The following NAA15 variants were observed in gnomAD, a reference collection of about 807,000 sequenced individuals.
NAA15 encodes N-terminal acetyltransferase.
In NAA15, 34 loss-of-function variants were observed where a neutral mutation model predicts 114.0. The observed-to-expected ratio is 0.30, with a 90% CI of 0.23 to 0.40. The LOEUF (loss-of-function observed/expected upper bound fraction) is 0.40. Ranked by LOEUF, NAA15 falls within the 10% of genes least tolerant of loss-of-function variation. NAA15 has a pLI of 1.00. For missense variants in NAA15, 658 were observed against 1,004.5 expected, an observed-to-expected ratio of 0.66 and a Z score of 4.66; for synonymous variants, 340 against 338.0, an observed-to-expected ratio of 1.01 and a Z score of -0.06.
chr4:139,301,963 G>A, intron 1 of NAA15, 132 bp downstream of exon 1: 1 of 965,052 alleles, frequency 1.0e-6, no homozygotes, highest in Non-Finnish European at 1.5e-6. Context: ...TCGTCAGGCC[G>A]AATGCATTGC....
intron 1 of NAA15, among the ~76,000 whole-genome samples, chr4:139,319,013 G>T (rs1337217502): frequency 6.6e-6 from 1 of 152,114 alleles, no homozygotes; most frequent in Non-Finnish European, 1.5e-5. Context: ...TGTAGGCCGG[G>T]TGCTGTGGCT....
chr4:139,351,529 A>G lies in NAA15; in HGVS notation c.932A>G (p.Asp311Gly), dbSNP rs1290440529. 1.2e-6 allele frequency: 2 copies of G among 1,602,234 alleles called. No individual in the cohort carries two copies. The highest frequency in any genetic ancestry group is 1.7e-6 in the Non-Finnish European group (2 of 1,169,696). The change falls in exon 9 of 20, where the codon GAT (aspartate) becomes GGT (glycine). Residue 311 changes from aspartate (D) to glycine (G), a missense_variant. This residue lies in a region of NAA15 where 281 missense variants were observed against 389.1 expected (regional missense o/e 0.72). Coordinates refer to ENST00000296543, the MANE Select transcript of NAA15 (RefSeq NM_057175.5). ...LSGEKFKECLDKFLRMNFSKG... is the reference protein window; with the variant it reads ...LSGEKFKECLGKFLRMNFSKG... The stretch of plus-strand genomic sequence containing the variant: ...GGTGAGAAGTTTAAAGAATGTTTGG[A>G]TAAGTTCCTAAGGATGAATTTCAGC...
intron 13 of NAA15, among the ~76,000 whole-genome samples, chr4:139,361,323 T>A (rs1240720101): frequency 1.3e-5 from 2 of 152,130 alleles, no homozygotes; most frequent in Non-Finnish European, 2.9e-5. Context: ...AAAAAAATTA[T>A]CAAATACATC....
chr4:139,329,264 G>T (rs1467033433), intron 1 of NAA15, among the ~76,000 whole-genome samples: 1 of 151,656 alleles, frequency 6.6e-6, no homozygotes, highest in Non-Finnish European at 1.5e-5. Flanking sequence ...TTTATCCATT[G>T]CTTAAATTTT....
rs368782706 is a variant in NAA15, at chr4:139,386,125, T to A, written c.2303-8T>A. On this transcript the variant is annotated splice_region_variant and splice_polypyrimidine_tract_variant and intron_variant, in intron 18 of 19. Transcript: ENST00000296543. ...TTGAAATAAATTTCCTATTTCCCTC[T>A]CATTTAGCTGCCAAAATGGTATATT... 4.5e-4 allele frequency: 685 copies of A among 1,518,432 alleles called. 3 individuals are homozygous for A. Among genetic ancestry groups the A allele is most frequent in the Non-Finnish European group, 5.1e-4 (571 of 1,113,372 alleles). 94.1% of individuals were successfully genotyped at this position (1,518,432 alleles called of 1,614,324 possible).
chr4:139,369,033 T>A (rs1748360090), intron 14 of NAA15, among the ~76,000 whole-genome samples: 1 of 152,252 alleles, frequency 6.6e-6, no homozygotes, highest in South Asian at 2.1e-4. Context: ...ATTCATTTAT[T>A]GTGTTAACAA....
intron 13 of NAA15, 22 bp from the exon 14 acceptor site, chr4:139,361,702 A>G (rs774157612): frequency 6.9e-7 from 1 of 1,445,908 alleles, no homozygotes; most frequent in Non-Finnish European, 9.5e-7. Context: ...TCGGTATAAT[A>G]ATAAAAAGAT....
At chr4:139,356,127 T>TAAGCATATTTGATGCTTAA (rs1747941722) in intron 10 of NAA15, among the ~76,000 whole-genome samples, 2 of 152,252 alleles carry the variant, frequency 1.3e-5, no homozygotes, top group Non-Finnish European at 2.9e-5. Flanking sequence ...TTTGATGTTT[T>TAAGCATATTTGATGCTTAA]ATATCAAATA....
At chr4:139,372,297 G>T (rs1425748094) in intron 15 of NAA15, among the ~76,000 whole-genome samples, 11 of 152,174 alleles carry the variant, frequency 7.2e-5, no homozygotes, top group Admixed American at 7.2e-4. Context: ...CAGAATTCTT[G>T]TACTAGGTTT....
At chr4:139,337,508 A>G (rs958684337) in intron 3 of NAA15, among the ~76,000 whole-genome samples, 1 of 152,178 alleles carries the variant, frequency 6.6e-6, no homozygotes, top group African/African-American at 2.4e-5. Context: ...TGGTTTAAAG[A>G]CTTAATGATG....
At chr4:139,345,009 A>AT (rs1342556817) in intron 6 of NAA15, among the ~76,000 whole-genome samples, 1 of 152,210 alleles carries the variant, frequency 6.6e-6, no homozygotes. Context: ...AGGACAAGTG[A>AT]TTTTTTAAAA....
intron 19 of NAA15, 97 bp from the exon 20 acceptor site, chr4:139,387,787 C>A (rs1291290688): frequency 7.4e-6 from 7 of 949,206 alleles, no homozygotes; most frequent in Non-Finnish European, 6.5e-6. Flanking sequence ...GTATTTATTT[C>A]TTATTTTAGA....
chr4:139,355,287 G>A (rs936663142), intron 10 of NAA15, among the ~76,000 whole-genome samples: 3 of 151,978 alleles, frequency 2.0e-5, no homozygotes, highest in African/African-American at 7.2e-5. Context: ...TTGTTGGAAT[G>A]AAGATTCAGA....
intron 1 of NAA15, among the ~76,000 whole-genome samples, chr4:139,325,660 T>C (rs1392902291): frequency 6.6e-6 from 1 of 152,228 alleles, no homozygotes; most frequent in Non-Finnish European, 1.5e-5. Flanking sequence ...TTTTATTTAT[T>C]TTTTAAGAGA....
Position 139,388,218 on chromosome 4 carries a change from A to G in NAA15, c.*134A>G, listed in dbSNP as rs1359254701. The G allele has an allele frequency of 3.0e-6, 2 of 658,722 alleles. No homozygotes were observed. Among genetic ancestry groups the G allele is most frequent in the African/African-American group, 3.7e-5 (2 of 54,506 alleles). The allele number at this position is 658,722 out of a possible 1,614,324, so 40.8% of individuals were successfully genotyped here. On this transcript the variant is annotated 3_prime_UTR_variant, in exon 20 of 20. Coordinates refer to ENST00000296543, the MANE Select transcript of NAA15 (RefSeq NM_057175.5). ...TGTTCTTGCCTTCAAATAGTGTTTT[A>G]CGTTTTTTATCCTGCTGAAAAAGTA...
At position 139,349,454 on chromosome 4, in the gene NAA15, T is replaced by C; in HGVS notation, c.692-8T>C. On this transcript the variant is annotated splice_region_variant and splice_polypyrimidine_tract_variant and intron_variant, in intron 6 of 19. Transcript: ENST00000296543. The stretch of plus-strand genomic sequence containing the variant: ...ATTAAAATTTTTTTTTTTTCTGTTT[T>C]TAATCAGGGGAACTTCTGTTGCAAC... 6.4e-7 allele frequency: 1 copy of C among 1,558,056 alleles called. No homozygotes were observed. The highest frequency in any genetic ancestry group is 8.6e-7 in the Non-Finnish European group (1 of 1,159,210).
At chr4:139,315,011 G>GT (rs59026436) in intron 1 of NAA15, among the ~76,000 whole-genome samples, 1,186 of 86,968 alleles carry the variant, frequency 0.014, 100 homozygotes, top group African/African-American at 0.044. Flanking sequence ...TTTAGTTTAG[G>GT]TTAGGTTAGG....
At chr4:139,363,836 G>A (rs1248695060) in intron 14 of NAA15, among the ~76,000 whole-genome samples, 4 of 152,116 alleles carry the variant, frequency 2.6e-5, no homozygotes, top group Non-Finnish European at 5.9e-5. Flanking sequence ...ATTTTTGTAT[G>A]TTGGGCAAAA....
At chr4:139,315,000 GT>G (rs1746340978) in intron 1 of NAA15, among the ~76,000 whole-genome samples, 2 of 78,818 alleles carry the variant, frequency 2.5e-5, no homozygotes, top group Non-Finnish European at 4.8e-5. Flanking sequence ...GTTCAGTTCA[GT>G]TTAGTTTAGG....
Sources: allele counts gnomAD v4.1 joint callset (sites outside exome capture counted in the v4.1 genomes callset), GRCh38; gene constraint gnomAD v4.1.1; regional missense constraint gnomAD v4.1.1; transcripts MANE v1.5; gene names NCBI Gene and HGNC (gene_info 2026-07-23, HGNC 2026-07-21).